The following DNMT1 variants were observed in gnomAD, a reference collection of about 807,000 sequenced individuals.
DNMT1 encodes DNA methyltransferase 1.
Under a neutral mutation model 205.3 loss-of-function variants are expected in DNMT1, and 24 were observed. That is an observed-to-expected ratio of 0.12 (90% CI 0.08 to 0.16). The LOEUF (loss-of-function observed/expected upper bound fraction) is 0.16. DNMT1 is among the 10% of genes least tolerant of loss of function. DNMT1 has a pLI of 1.00. For synonymous variants in DNMT1, 817 were observed against 839.8 expected (o/e 0.97, Z 0.47); for missense variants, 1,293 against 2,177.7 (o/e 0.59, Z 8.09).
At chr19:10,174,017 G>A in intron 7 of DNMT1, 112 bp from the exon 8 acceptor site, 2 of 1,129,348 alleles carry the variant, frequency 1.8e-6, no homozygotes, top group Non-Finnish European at 2.7e-6. Context: ...TAGAGCAAGA[G>A]TGGGAAAAGA....
intron 28 of DNMT1, chr19:10,144,492 G>A (rs111367146): frequency 0.082 from 16,802 of 204,640 alleles, 890 homozygotes; most frequent in Non-Finnish European, 0.11. Flanking sequence ...TACTGGCTAC[G>A]GTGGTGGCTG....
At chr19:10,176,595 C>T (rs974080169) in intron 6 of DNMT1, among the ~76,000 whole-genome samples, 12 of 152,190 alleles carry the variant, frequency 7.9e-5, no homozygotes, top group African/African-American at 2.7e-4. Flanking sequence ...CGGTGGCTCA[C>T]GCCTGTAACC....
chr19:10,135,797 C>T lies in DNMT1; in HGVS notation c.4712G>A (p.Arg1571His). The change falls in exon 39 of 41, where the codon CGC becomes CAC. Residue 1571 changes from arginine (R) to histidine (H), a missense_variant. Arg to His is a conservative substitution (Grantham distance 29). Transcript: ENST00000359526. ...GTAGGTGTCAGGGAAGCCCTGGGAGCGGGCACACTCCCGCACGCTCACCAC... is the reference window on the plus strand; with the variant it reads ...GTAGGTGTCAGGGAAGCCCTGGGAGTGGGCACACTCCCGCACGCTCACCAC... ...HRVVSVRECA[R>H]SQGFPDTYRL... The T allele has an allele frequency of 6.3e-7, 1 of 1,588,658 alleles. No homozygotes were observed. The highest frequency in any genetic ancestry group is 8.6e-7 in the Non-Finnish European group (1 of 1,169,242).
At chr19:10,134,374 C>T in intron 39 of DNMT1, 67 bp from the exon 40 acceptor site, 1 of 1,429,536 alleles carries the variant, frequency 7.0e-7, no homozygotes, top group Non-Finnish European at 9.8e-7. Flanking sequence ...GGCAGGTGTA[C>T]TGCCAGCCCC....
chr19:10,144,208 G>A (rs1052569513), intron 28 of DNMT1: 2 of 562,810 alleles, frequency 3.6e-6, no homozygotes, highest in African/African-American at 3.7e-5. Flanking sequence ...AGAAGTTCGA[G>A]ACCACCCTGG....
intron 34 of DNMT1, 72 bp downstream of exon 34, chr19:10,139,604 A>G: frequency 1.3e-6 from 2 of 1,569,124 alleles, no homozygotes; most frequent in South Asian, 2.3e-5. Flanking sequence ...TGCCTTCAGT[A>G]AGGGATGGCT....
Position 10,151,323 on chromosome 19 carries a change from G to T in DNMT1, c.2265+75C>A, listed in dbSNP as rs1354525347. 6.6e-5 allele frequency: 105 copies of T among 1,598,370 alleles called. No individual in the cohort carries two copies. The South Asian group carries it at 1.1e-3, about 17-fold the overall frequency. ...GGGCTCAGGCTGCCTGAGAGGTCAG[G>T]TTGGCGAGATACTAGAGGGCAACCT... On this transcript the variant is annotated intron_variant, in intron 24 of 40. Coordinates refer to ENST00000359526, the MANE Select transcript of DNMT1 (RefSeq NM_001130823.3). This position sits in a 1 kb window ranked among gnomAD's most constrained non-coding sequence, Gnocchi z 5.0.
At chr19:10,182,020 A>G (rs2039055999) in intron 2 of DNMT1, 21 bp downstream of exon 2, 1 of 1,610,156 alleles carries the variant, frequency 6.2e-7, no homozygotes, top group African/African-American at 1.3e-5. Flanking sequence ...GTAATAAGAA[A>G]AATTTTAAGG....
chr19:10,153,345 A>AT (rs1461259620), intron 22 of DNMT1, among the ~76,000 whole-genome samples: 1 of 152,080 alleles, frequency 6.6e-6, no homozygotes, highest in Admixed American at 6.6e-5. Context: ...AAAACAAATG[A>AT]TTTTAGGGCT....
In DNMT1 at chr19:10,170,526, C is replaced by A. The variant is rs140242332; in HGVS notation, c.769-2162G>T. On this transcript the variant is annotated intron_variant, in intron 9 of 40. Coordinates refer to ENST00000359526, the MANE Select transcript of DNMT1 (RefSeq NM_001130823.3). ...GGGCGTGGTAGCGGAAGCCTGTAAT[C>A]CCAGCTACTCGGGAGGCTAAGGCAG... is the stretch of plus-strand genomic sequence containing the variant. 2.3e-3 allele frequency among the ~76,000 whole-genome samples: 350 copies of A among 152,190 alleles called. 3 individuals carry two copies. The highest frequency in any genetic ancestry group is 8.0e-3 in the African/African-American group (331 of 41,544).
chr19:10,179,300 T>C (rs1284814112), intron 5 of DNMT1, among the ~76,000 whole-genome samples: 3 of 152,082 alleles, frequency 2.0e-5, no homozygotes, highest in Non-Finnish European at 4.4e-5. Flanking sequence ...GATCTAATGC[T>C]GCAACTTGGT....
intron 13 of DNMT1, 108 bp downstream of exon 13, chr19:10,162,559 C>T: frequency 8.2e-7 from 1 of 1,217,812 alleles, no homozygotes; most frequent in Admixed American, 2.3e-5. Context: ...CGTGCGCCAC[C>T]ACGCCCAGTC....
chr19:10,173,363 C>T (rs2038864717), intron 8 of DNMT1, among the ~76,000 whole-genome samples, 189 bp from the exon 9 acceptor site: 1 of 152,108 alleles, frequency 6.6e-6, no homozygotes, highest in South Asian at 2.1e-4. Flanking sequence ...CAGCTGCCCT[C>T]GATTCATTCC....
In DNMT1 at chr19:10,156,528, A is replaced by G. The variant is rs1204551749; in HGVS notation, c.1281-19T>C. The G allele has an allele frequency of 1.9e-6, 3 of 1,592,434 alleles. No homozygotes were observed. The highest frequency in any genetic ancestry group is 2.7e-5 in the African/African-American group (2 of 74,462). ...GTACACACTAGACAGGAAACAAAGC[A>G]CATGCTTACCAGCTAAGCCGTGAAG... On this transcript the variant is annotated intron_variant, in intron 17 of 40. Coordinates refer to ENST00000359526, the MANE Select transcript of DNMT1 (RefSeq NM_001130823.3). This position sits in a 1 kb window ranked among gnomAD's most constrained non-coding sequence, Gnocchi z 4.2.
chr19:10,140,094 G>C lies in DNMT1; in HGVS notation c.3758C>G (p.Ser1253Trp). 6.2e-7 allele frequency: 1 copy of C among 1,613,666 alleles called. No individual in the cohort carries two copies. Among genetic ancestry groups the C allele is most frequent in the Non-Finnish European group, 8.5e-7 (1 of 1,180,040 alleles). Residue 1253 changes from serine to tryptophan, a missense_variant, in exon 33 of 41, where the codon TCG becomes TGG. Transcript: ENST00000359526. This position sits in a 1 kb window ranked among gnomAD's most constrained non-coding sequence, Gnocchi z 8.4. ...GTTTTTGAACTTGGAGTAGGTGCGC[G>C]AATTGAAGCGGTTCATGCCGCTGAA... ...QGFSGMNRFN[S>W]RTYSKFKNSL...
chr19:10,133,698 T>C lies in DNMT1; in HGVS notation c.4868A>G (p.Lys1623Arg). 6.3e-7 allele frequency: 1 copy of C among 1,592,880 alleles called. No individual in the cohort carries two copies. The highest frequency in any genetic ancestry group is 8.6e-7 in the Non-Finnish European group (1 of 1,168,556). The change falls in exon 41 of 41, where the codon AAA (lysine) becomes AGA (arginine). Residue 1623 changes from lysine (K) to arginine (R), a missense_variant. Around this residue, in one of 13 missense-constraint regions of DNMT1, gnomAD observed 37 missense variants for 36.3 expected, o/e 1.02. Transcript: ENST00000359526. This position sits in a 1 kb window ranked among gnomAD's most constrained non-coding sequence, Gnocchi z 4.1. ...CTTAGCAGCTTCCTCCTCCTTTATT[T>C]TAGCTGAAGGGAAATAAAAGGAAAA... ...LAKARESASAKIKEEEAAKD is the reference protein window; with the variant it reads ...LAKARESASARIKEEEAAKD
chr19:10,188,280 C>T (rs930889705), intron 1 of DNMT1, among the ~76,000 whole-genome samples: 12 of 152,168 alleles, frequency 7.9e-5, no homozygotes, highest in African/African-American at 2.9e-4. Flanking sequence ...TGGCTCATGC[C>T]TGTAATCCCA....
intron 7 of DNMT1, among the ~76,000 whole-genome samples, chr19:10,174,699 T>G (rs894210413): frequency 1.4e-5 from 2 of 147,560 alleles, no homozygotes; most frequent in African/African-American, 5.0e-5. Context: ...AGAGTGAGAC[T>G]CCATCTAAAA....
chr19:10,174,871 C>A (rs1469522961), intron 7 of DNMT1, among the ~76,000 whole-genome samples: 1 of 151,536 alleles, frequency 6.6e-6, no homozygotes, highest in African/African-American at 2.4e-5. Context: ...GCCTGGGCAA[C>A]ATGGTGAAAC....
Sources: gnomAD v4.1 joint callset for allele counts (sites outside exome capture counted in the v4.1 genomes callset) on GRCh38, gnomAD v4.1.1 for gene constraint, gnomAD v4.1.1 regional missense constraint, Gnocchi (gnomAD v3.1) non-coding constraint, MANE v1.5 for transcripts, NCBI Gene and HGNC (gene_info 2026-07-23, HGNC 2026-07-21) for gene names.